KCNB2: variants seen among roughly 807,000 people sequenced by gnomAD.
KCNB2 encodes potassium voltage-gated channel subfamily B member 2.
Under a neutral mutation model 61.5 loss-of-function variants are expected in KCNB2, and 15 were observed. The ratio of observed to expected loss-of-function variants is 0.24; its 90% confidence interval spans 0.16 to 0.38. The LOEUF is 0.38. Among genes scored for constraint, KCNB2 ranks in the 10% least tolerant of loss-of-function variants. The probability of loss-of-function intolerance (pLI) is 1.00; values close to 1 mark genes in which losing one functional copy is unlikely to be tolerated. For synonymous variants in KCNB2, 457 were observed against 446.0 expected (o/e 1.02, Z -0.31); for missense variants, 828 against 1,125.2 (o/e 0.74, Z 3.78).
intron 2 of KCNB2, among the ~76,000 whole-genome samples, chr8:72,578,269 T>C (rs796188202): frequency 3.9e-5 from 6 of 152,292 alleles, no homozygotes; most frequent in African/African-American, 1.4e-4. Flanking sequence ...TTTTTTAGTT[T>C]AGAGGCAGAA....
chr8:72,670,969 C>T (rs753898203), intron 2 of KCNB2, among the ~76,000 whole-genome samples: 1 of 152,194 alleles, frequency 6.6e-6, no homozygotes, highest in Non-Finnish European at 1.5e-5. Context: ...TTAAATTCAT[C>T]TGTTATTATG....
intron 2 of KCNB2, among the ~76,000 whole-genome samples, chr8:72,830,646 C>T (rs1809679312): frequency 6.6e-6 from 1 of 152,298 alleles, no homozygotes; most frequent in Non-Finnish European, 1.5e-5. Context: ...TTATGGAATG[C>T]TTTTCAGTCC....
At chr8:72,618,324 A>C (rs190711870) in intron 2 of KCNB2, among the ~76,000 whole-genome samples, 5 of 152,306 alleles carry the variant, frequency 3.3e-5, no homozygotes, top group African/African-American at 1.2e-4. Context: ...AGAATCAGAG[A>C]AACTCTCCTT....
chr8:72,575,335 T>C (rs1175730181), intron 2 of KCNB2, among the ~76,000 whole-genome samples: 1 of 146,556 alleles, frequency 6.8e-6, no homozygotes, highest in Non-Finnish European at 1.5e-5. Flanking sequence ...ACTCATACTA[T>C]TGATTAGCAT....
chr8:72,929,756 T>A (rs539144471), intron 2 of KCNB2, among the ~76,000 whole-genome samples: 3 of 152,300 alleles, frequency 2.0e-5, no homozygotes, highest in African/African-American at 7.2e-5. Flanking sequence ...TTGTTTGGAA[T>A]CTTCACTTCC....
chr8:72,709,879 G>A (rs1226374815), intron 2 of KCNB2, among the ~76,000 whole-genome samples: 1 of 152,162 alleles, frequency 6.6e-6, no homozygotes, highest in Non-Finnish European at 1.5e-5. Flanking sequence ...GTACCCGAAT[G>A]TACAGATGTT....
chr8:72,580,653 C>A (rs531758509), intron 2 of KCNB2, among the ~76,000 whole-genome samples: 1 of 152,150 alleles, frequency 6.6e-6, no homozygotes, highest in African/African-American at 2.4e-5. Flanking sequence ...AACCATGGAG[C>A]CCCCTTCCAT....
chr8:72,548,796 G>A (rs1030726826), intron 1 of KCNB2, among the ~76,000 whole-genome samples: 8 of 151,910 alleles, frequency 5.3e-5, no homozygotes, highest in African/African-American at 1.9e-4. Context: ...TTTCCTATTC[G>A]TAATTTTTGA....
chr8:72,630,765 A>C (rs1805865490), intron 2 of KCNB2, among the ~76,000 whole-genome samples: 1 of 152,202 alleles, frequency 6.6e-6, no homozygotes, highest in Non-Finnish European at 1.5e-5. Flanking sequence ...TTCAACTATC[A>C]GATTTGTCAG....
At chr8:72,616,486 G>A (rs1805621587) in intron 2 of KCNB2, among the ~76,000 whole-genome samples, 1 of 152,000 alleles carries the variant, frequency 6.6e-6, no homozygotes, top group African/African-American at 2.4e-5. Flanking sequence ...TAGCTCTTAG[G>A]CTTTTTTCTT....
intron 2 of KCNB2, among the ~76,000 whole-genome samples, chr8:72,613,303 C>T (rs1194504725): frequency 6.6e-6 from 1 of 152,180 alleles, no homozygotes; most frequent in African/African-American, 2.4e-5. Context: ...CAGGCGATCA[C>T]ATCTGGCCTC....
intron 2 of KCNB2, among the ~76,000 whole-genome samples, chr8:72,652,053 T>C (rs1806218577): frequency 2.0e-5 from 3 of 152,106 alleles, no homozygotes; most frequent in South Asian, 4.1e-4. Context: ...TTCATCTCCA[T>C]AATCTACTTT....
chr8:72,557,607 T>C (rs979972301), intron 1 of KCNB2, among the ~76,000 whole-genome samples: 5 of 152,130 alleles, frequency 3.3e-5, no homozygotes, highest in Non-Finnish European at 5.9e-5. Flanking sequence ...ATCAGTCCAG[T>C]GGAAGATGTA....
intron 2 of KCNB2, among the ~76,000 whole-genome samples, chr8:72,902,946 G>A (rs1345357377): frequency 6.6e-6 from 1 of 152,142 alleles, no homozygotes; most frequent in Non-Finnish European, 1.5e-5. Context: ...CTCACTACCT[G>A]TAACCTTATT....
chr8:72,563,313 T>A (rs1284046074), intron 1 of KCNB2, among the ~76,000 whole-genome samples: 1 of 152,162 alleles, frequency 6.6e-6, no homozygotes, highest in Non-Finnish European at 1.5e-5. Flanking sequence ...TACCACTTAA[T>A]GGGTGAAGAA....
At chr8:72,851,162 A>T (rs1810098226) in intron 2 of KCNB2, among the ~76,000 whole-genome samples, 1 of 152,304 alleles carries the variant, frequency 6.6e-6, no homozygotes, top group African/African-American at 2.4e-5. Flanking sequence ...AATGAACTAG[A>T]ATCTCTCCAA....
rs181308730 is a variant in KCNB2 at position 72,886,860 on chromosome 8, C to T, written c.580-49075C>T. Among the ~76,000 whole-genome samples the T allele has an allele frequency of 9.8e-5, 15 of 152,286 alleles. No individual in the cohort carries two copies. In the East Asian group the frequency reaches 1.2e-3, roughly 12 times the overall value. ...GCTATCCAGTGGCACTGAAGAGAGA[C>T]GAAAGAATAATCTGAAGGCTTAACC... On this transcript the variant is annotated intron_variant, in intron 2 of 2. Coordinates refer to ENST00000523207, the MANE Select transcript of KCNB2 (RefSeq NM_004770.3).
chr8:72,561,795 A>ATG (rs1806540801), intron 1 of KCNB2, among the ~76,000 whole-genome samples: 1 of 123,346 alleles, frequency 8.1e-6, no homozygotes, highest in Non-Finnish European at 1.7e-5. Flanking sequence ...ATATACATAT[A>ATG]TATATATATG....
chr8:72,759,708 G>A (rs1808346604), intron 2 of KCNB2, among the ~76,000 whole-genome samples: 1 of 152,182 alleles, frequency 6.6e-6, no homozygotes, highest in Non-Finnish European at 1.5e-5. Flanking sequence ...GATAGAGATA[G>A]AGATAGAGAA....
Sources: allele counts gnomAD v4.1 joint callset (sites outside exome capture counted in the v4.1 genomes callset), GRCh38; gene constraint gnomAD v4.1.1; transcripts MANE v1.5; gene names NCBI Gene and HGNC (gene_info 2026-07-23, HGNC 2026-07-21).